SULT1C2: variants seen among roughly 807,000 people sequenced by gnomAD.
The protein encoded by SULT1C2 is sulfotransferase family 1C member 2.
SULT1C2 carries 27 observed loss-of-function variants against 36.0 expected under a neutral mutation model. The observed-to-expected ratio is 0.75, with a 90% CI of 0.55 to 1.03. The LOEUF (loss-of-function observed/expected upper bound fraction) is 1.03, where lower values mean the gene tolerates loss of function less well. Ranked by LOEUF, SULT1C2 falls within the 50% of genes least tolerant of loss-of-function variation. SULT1C2 has a pLI of 0.00. For missense variants in SULT1C2, 395 were observed against 359.2 expected (o/e 1.10, Z -0.80); for synonymous variants, 121 against 116.0 (o/e 1.04, Z -0.27).
rs1676986547 is a variant in SULT1C2, at chr2:108,305,077, T to A, written c.503-95T>A. ...GACATATCTAATACAGAATTTGGGT[T>A]TTCTCTCTCTAACTCACTTCAGGAA... On this transcript the variant is annotated intron_variant, in intron 5 of 7. Transcript: ENST00000251481. 8 of 1,452,640 alleles carry A rather than the reference T, an allele frequency of 5.5e-6. No homozygotes were observed. In the South Asian group the frequency reaches 8.4e-5, roughly 15 times the overall value. The allele number at this position is 1,452,640 out of a possible 1,614,324, so 90.0% of individuals were successfully genotyped here.
intron 7 of SULT1C2, among the ~76,000 whole-genome samples, chr2:108,306,966 A>T (rs1398710007): frequency 6.6e-6 from 1 of 151,720 alleles, no homozygotes; most frequent in African/African-American, 2.4e-5. Context: ...CTCCACAAAA[A>T]CTCCACCCCC....
intron 7 of SULT1C2, 161 bp downstream of exon 7, chr2:108,305,756 G>A (rs1677009088): frequency 4.4e-6 from 4 of 905,648 alleles, no homozygotes; most frequent in Non-Finnish European, 6.6e-6. Context: ...TTGTAGAAGA[G>A]AGCTTTCTAG....
chr2:108,289,707 G>A (rs1573240807), intron 1 of SULT1C2, among the ~76,000 whole-genome samples: 1 of 152,282 alleles, frequency 6.6e-6, no homozygotes, highest in East Asian at 1.9e-4. Context: ...GACTCTCCAA[G>A]GGCAGGAACC....
chr2:108,300,901 T>G lies in SULT1C2; in HGVS notation c.341T>G (p.Leu114Arg). The G allele has an allele frequency of 6.2e-7, 1 of 1,614,186 alleles. No individual in the cohort carries two copies. The highest frequency in any genetic ancestry group is 8.5e-7 in the Non-Finnish European group (1 of 1,180,030). The change falls in exon 4 of 8, where the codon CTG becomes CGG. Residue 114 changes from leucine to arginine, a missense_variant. Leu to Arg is a moderately radical substitution (Grantham distance 102). Coordinates refer to ENST00000251481, the MANE Select transcript of SULT1C2 (RefSeq NM_001056.4). The stretch of plus-strand genomic sequence containing the variant: ...CTAAAGACTCACCTTTCCACTCAGC[T>G]GCTGCCACCGTCTTTCTGGGAAAAC... ...RILKTHLSTQLLPPSFWENNC... is the reference protein window; with the variant it reads ...RILKTHLSTQRLPPSFWENNC...
chr2:108,300,498 G>T, intron 3 of SULT1C2: 1 of 376,690 alleles, frequency 2.7e-6, no homozygotes, highest in Non-Finnish European at 4.7e-6. Flanking sequence ...CAGGCACATG[G>T]GGGTCATCTC....
intron 3 of SULT1C2, among the ~76,000 whole-genome samples, chr2:108,297,504 G>A (rs1468812265): frequency 1.3e-5 from 2 of 152,090 alleles, no homozygotes; most frequent in Non-Finnish European, 2.9e-5. Context: ...TGCAACTGAC[G>A]AAGGCCAAAA....
At chr2:108,297,660 C>T (rs886557162) in intron 3 of SULT1C2, among the ~76,000 whole-genome samples, 6 of 152,118 alleles carry the variant, frequency 3.9e-5, no homozygotes, top group African/African-American at 1.4e-4. Context: ...GTGAGGCAAC[C>T]CCATGGGGCT....
At chr2:108,295,278 G>A (rs1314721174) in intron 3 of SULT1C2, among the ~76,000 whole-genome samples, 9 of 152,180 alleles carry the variant, frequency 5.9e-5, no homozygotes, top group African/African-American at 9.7e-5. Context: ...TCTGGCTTTC[G>A]AAGAAGAGAA....
chr2:108,297,073 A>ATG (rs1189672694), intron 3 of SULT1C2, among the ~76,000 whole-genome samples: 1 of 152,150 alleles, frequency 6.6e-6, no homozygotes, highest in Non-Finnish European at 1.5e-5. Flanking sequence ...ATGCATATGC[A>ATG]TGTGTGTGTG....
chr2:108,292,506 A>G (rs929601818), intron 1 of SULT1C2, among the ~76,000 whole-genome samples: 4 of 152,052 alleles, frequency 2.6e-5, no homozygotes, highest in African/African-American at 9.7e-5. Context: ...GAAGATGCTC[A>G]ACATCATTAG....
At chr2:108,304,782 T>A in intron 5 of SULT1C2, 82 bp downstream of exon 5, 22 of 1,525,340 alleles carry the variant, frequency 1.4e-5, no homozygotes, top group Non-Finnish European at 1.9e-5. Flanking sequence ...TTTTATCCCC[T>A]AGAATGCCTG....
chr2:108,304,573 G>T lies in SULT1C2; in HGVS notation c.376-1G>T. On this transcript the variant is annotated splice_acceptor_variant, in intron 4 of 7. Transcript: ENST00000251481. LOFTEE classifies it high-confidence loss of function. Reference sequence around the variant, plus strand: ...TACCCACCTCTTTTCTTACCCCAAAGTTCCTTTATGTAGCTCGAAATGCCA... The same window carrying T: ...TACCCACCTCTTTTCTTACCCCAAATTTCCTTTATGTAGCTCGAAATGCCA... 1 of 1,595,464 alleles carries T rather than the reference G, an allele frequency of 6.3e-7. No homozygotes were observed. The highest frequency in any genetic ancestry group is 8.5e-7 in the Non-Finnish European group (1 of 1,174,286).
At chr2:108,289,262 C>T (rs971786821) in intron 1 of SULT1C2, among the ~76,000 whole-genome samples, 192 bp downstream of exon 1, 3 of 151,924 alleles carry the variant, frequency 2.0e-5, no homozygotes, top group African/African-American at 7.3e-5. Context: ...ATTCAGGACC[C>T]CCCTCAAATC....
At chr2:108,305,696 T>G (rs2104424332) in intron 7 of SULT1C2, 101 bp downstream of exon 7, 1 of 1,391,408 alleles carries the variant, frequency 7.2e-7, no homozygotes, top group Non-Finnish European at 1.0e-6. Flanking sequence ...GCCAATGCAT[T>G]TCAACTATTC....
intron 1 of SULT1C2, among the ~76,000 whole-genome samples, chr2:108,292,307 C>A (rs1313027849): frequency 6.6e-6 from 1 of 151,618 alleles, no homozygotes; most frequent in African/African-American, 2.4e-5. Context: ...ACCCCAGTAG[C>A]CAGTTATCCT....
chr2:108,300,732 G>A (rs1676847632), intron 3 of SULT1C2, 106 bp from the exon 4 acceptor site: 2 of 1,490,096 alleles, frequency 1.3e-6, no homozygotes, highest in East Asian at 2.4e-5. Context: ...CAAGAGACTA[G>A]CAGAAAGACA....
chr2:108,294,672 T>C (rs1558677382), intron 3 of SULT1C2, among the ~76,000 whole-genome samples: 1 of 152,124 alleles, frequency 6.6e-6, no homozygotes, highest in African/African-American at 2.4e-5. Context: ...ACATTGAAGA[T>C]GTGAAAAACT....
chr2:108,294,406 T>C, intron 3 of SULT1C2, 52 bp downstream of exon 3: 1 of 1,538,622 alleles, frequency 6.5e-7, no homozygotes, highest in Non-Finnish European at 8.8e-7. Context: ...CTCTCTCTTC[T>C]GTTTTCCCCT....
At position 108,298,294 on chromosome 2, in the gene SULT1C2, A is replaced by G. The variant is rs1676787073; in HGVS notation, c.278-2544A>G. Among the ~76,000 whole-genome samples the G allele has an allele frequency of 3.9e-5, 6 of 152,136 alleles. No individual in the cohort carries two copies. The South Asian group carries it at 1.2e-3, about 32-fold the overall frequency. ...TTAACCCTACTCATTGTAGGTTTTCATGTCCAAACACTATAAATCTTCCCA... is the reference window on the plus strand; with the variant it reads ...TTAACCCTACTCATTGTAGGTTTTCGTGTCCAAACACTATAAATCTTCCCA... On this transcript the variant is annotated intron_variant, in intron 3 of 7. Coordinates refer to ENST00000251481, the MANE Select transcript of SULT1C2 (RefSeq NM_001056.4).
Sources: gnomAD v4.1 joint callset for allele counts (sites outside exome capture counted in the v4.1 genomes callset) on GRCh38, gnomAD v4.1.1 for gene constraint, MANE v1.5 for transcripts, NCBI Gene and HGNC (gene_info 2026-07-23, HGNC 2026-07-21) for gene names.